The following ADD3 variants were observed in gnomAD, a reference collection of about 807,000 sequenced individuals.
The protein encoded by ADD3 is adducin 3.
Under a neutral mutation model 80.2 loss-of-function variants are expected in ADD3, and 25 were observed. The observed-to-expected ratio is 0.31, with a 90% confidence interval of 0.23 to 0.44. The LOEUF is 0.44. Among genes scored for constraint, ADD3 ranks in the 20% least tolerant of loss-of-function variants. The pLI is 1.00. For missense variants in ADD3, 829 were observed against 847.5 expected (o/e 0.98, Z 0.27); for synonymous variants, 284 against 289.6 (o/e 0.98, Z 0.20).
rs145249817 is a variant in ADD3, at chr10:110,081,959, G to A, written c.-29-18666G>A. ...GGTGGCAAAATCAGTCAAATAGATT[G>A]TAGTTTGAGCTGAAACAGACATTTT... On this transcript the variant is annotated intron_variant, in intron 1 of 14. Coordinates refer to ENST00000356080, the MANE Select transcript of ADD3 (RefSeq NM_016824.5). Among the ~76,000 whole-genome samples, 714 of 152,268 alleles carry A rather than the reference G, an allele frequency of 4.7e-3. 4 individuals carry two copies. Among genetic ancestry groups the A allele is most frequent in the African/African-American group, 0.016 (676 of 41,554 alleles).
chr10:110,067,930 A>T (rs1844176527), intron 1 of ADD3, among the ~76,000 whole-genome samples: 1 of 151,960 alleles, frequency 6.6e-6, no homozygotes, highest in South Asian at 2.1e-4. Context: ...CTCTTTGTTT[A>T]ATATTTTTTA....
intron 5 of ADD3, among the ~76,000 whole-genome samples, chr10:110,118,019 T>TACACACACACACACACACAC (rs148105742): frequency 1.2e-4 from 15 of 125,690 alleles, no homozygotes; most frequent in East Asian, 2.4e-4. Flanking sequence ...CTGTCTTCAA[T>TACACACACACACACACACAC]ACACACACAC....
chr10:110,071,571 T>A (rs760865841), intron 1 of ADD3, among the ~76,000 whole-genome samples: 8 of 152,236 alleles, frequency 5.3e-5, no homozygotes, highest in Admixed American at 2.0e-4. Flanking sequence ...GATTGCAGAT[T>A]TTTTTAATGG....
chr10:110,118,743 CAATG>C lies in ADD3; in HGVS notation c.717+10_717+13del. On this transcript the variant is annotated splice_region_variant and intron_variant, in intron 6 of 14. Coordinates refer to ENST00000356080, the MANE Select transcript of ADD3 (RefSeq NM_016824.5). ...TACCCTTGCAACAGCAGCTGTAAGT[CAATG>C]AAAGTCCAAAACTGACAGGACGCTG... 6.2e-7 allele frequency: 1 copy of C among 1,612,454 alleles called. No individual in the cohort carries two copies. Among genetic ancestry groups the C allele is most frequent in the Non-Finnish European group, 8.5e-7 (1 of 1,178,804 alleles).
chr10:110,102,733 T>C (rs539350440), intron 2 of ADD3, among the ~76,000 whole-genome samples: 1 of 152,236 alleles, frequency 6.6e-6, no homozygotes, highest in Non-Finnish European at 1.5e-5. Context: ...TTAGGAAGTA[T>C]CTCAAAGAGG....
At chr10:110,021,687 G>A (rs1272073448) in intron 1 of ADD3, among the ~76,000 whole-genome samples, 3 of 152,156 alleles carry the variant, frequency 2.0e-5, no homozygotes, top group Admixed American at 6.5e-5. Context: ...GAGATTAGTG[G>A]TTGTCAGGAG....
intron 1 of ADD3, among the ~76,000 whole-genome samples, chr10:110,035,906 CTT>C (rs1225631576): frequency 6.6e-6 from 1 of 152,136 alleles, no homozygotes; most frequent in Non-Finnish European, 1.5e-5. Flanking sequence ...AATCCCAACA[CTT>C]TGGGAGGCTG....
At chr10:110,044,590 C>A (rs1235085349) in intron 1 of ADD3, among the ~76,000 whole-genome samples, 1 of 152,056 alleles carries the variant, frequency 6.6e-6, no homozygotes, top group African/African-American at 2.4e-5. Flanking sequence ...ATAAGTAACA[C>A]CAATGAAATT....
Position 110,124,924 on chromosome 10 carries a change from T to G in ADD3, c.1401+650T>G, listed in dbSNP as rs1851959259. Among the ~76,000 whole-genome samples, 5 of 152,154 alleles carry G rather than the reference T, an allele frequency of 3.3e-5. No homozygotes were observed. The South Asian group carries it at 6.2e-4, about 19-fold the overall frequency. On this transcript the variant is annotated intron_variant, in intron 10 of 14. Coordinates refer to ENST00000356080, the MANE Select transcript of ADD3 (RefSeq NM_016824.5). Reference sequence around the variant, plus strand: ...ACTTTATTAAAACATTATGAGAATTTTTTGTGATTTTGTTAAACTAATCAG... The same window carrying G: ...ACTTTATTAAAACATTATGAGAATTGTTTGTGATTTTGTTAAACTAATCAG...
intron 11 of ADD3, 115 bp from the exon 12 acceptor site, chr10:110,126,302 T>C: frequency 1.3e-6 from 1 of 750,530 alleles, no homozygotes; most frequent in Non-Finnish European, 2.2e-6. Flanking sequence ...AGGTGGGAAT[T>C]GAAGAGACTC....
rs188032058 is a variant in ADD3 at position 110,078,080 on chromosome 10, T to C, written c.-29-22545T>C. Among the ~76,000 whole-genome samples the C allele has an allele frequency of 2.7e-3, 411 of 152,348 alleles. 2 individuals carry two copies. The highest frequency in any genetic ancestry group is 9.2e-3 in the African/African-American group (383 of 41,580). On this transcript the variant is annotated intron_variant, in intron 1 of 14. Coordinates refer to ENST00000356080, the MANE Select transcript of ADD3 (RefSeq NM_016824.5). ...TGACATTGTGTCATCCTTTTTGAAC[T>C]AAGACTTCTTAGCATCTCCTTGCTT...
At chr10:110,010,803 G>A (rs887092517) in intron 1 of ADD3, among the ~76,000 whole-genome samples, 1 of 152,168 alleles carries the variant, frequency 6.6e-6, no homozygotes, top group Admixed American at 6.5e-5. Flanking sequence ...TGTAACCACT[G>A]CCCCTTGTTG....
At chr10:110,061,092 T>A (rs1397884143) in intron 1 of ADD3, among the ~76,000 whole-genome samples, 1 of 152,186 alleles carries the variant, frequency 6.6e-6, no homozygotes, top group Non-Finnish European at 1.5e-5. Flanking sequence ...TATTAGTGCC[T>A]ATTACTCTGA....
intron 1 of ADD3, among the ~76,000 whole-genome samples, chr10:110,032,442 G>A (rs1270692581): frequency 1.3e-5 from 2 of 152,142 alleles, no homozygotes; most frequent in Admixed American, 6.5e-5. Context: ...GAGAGAAAAG[G>A]AAGGACAAAA....
chr10:110,113,476 T>A (rs1850311930), intron 3 of ADD3, among the ~76,000 whole-genome samples: 1 of 151,846 alleles, frequency 6.6e-6, no homozygotes. Flanking sequence ...ACCATGTTGG[T>A]TAGGCTGGTC....
At chr10:110,067,581 C>A (rs1226639554) in intron 1 of ADD3, among the ~76,000 whole-genome samples, 1 of 152,182 alleles carries the variant, frequency 6.6e-6, no homozygotes, top group African/African-American at 2.4e-5. Flanking sequence ...AGAATCCAGT[C>A]ATTGAGAATT....
At chr10:110,078,232 T>C (rs1845604909) in intron 1 of ADD3, among the ~76,000 whole-genome samples, 1 of 152,040 alleles carries the variant, frequency 6.6e-6, no homozygotes, top group South Asian at 2.1e-4. Context: ...AGAGACTGTT[T>C]TACCTCTTTG....
chr10:110,123,789 G>T, intron 9 of ADD3: 1 of 510,310 alleles, frequency 2.0e-6, no homozygotes, highest in South Asian at 2.5e-5. Context: ...ACAGTTGTGT[G>T]AGTGGAAATT....
chr10:110,073,056 A>G (rs981196909), intron 1 of ADD3, among the ~76,000 whole-genome samples: 2 of 151,688 alleles, frequency 1.3e-5, no homozygotes, highest in Admixed American at 6.6e-5. Context: ...ATCACCAGGG[A>G]TGAAAAAATC....
Sources: allele counts gnomAD v4.1 joint callset (sites outside exome capture counted in the v4.1 genomes callset), GRCh38; gene constraint gnomAD v4.1.1; transcripts MANE v1.5; gene names NCBI Gene and HGNC (gene_info 2026-07-23, HGNC 2026-07-21).